The following CNBD1 variants were observed in gnomAD, a reference collection of about 807,000 sequenced individuals.
The protein encoded by CNBD1 is cyclic nucleotide binding domain containing 1, also known as cyclic nucleotide-binding domain-containing protein 1.
Under a neutral mutation model 54.4 loss-of-function variants are expected in CNBD1, and 71 were observed. The observed-to-expected ratio is 1.30, with a 90% CI of 1.08 to 1.59. The LOEUF is 1.59. Ranked by LOEUF, CNBD1 falls within the 40% of genes most tolerant of loss-of-function variation. The pLI, the probability that CNBD1 is intolerant of heterozygous loss-of-function variation, is 0.00. For missense variants in CNBD1, 659 were observed against 518.0 expected (o/e 1.27, Z -2.64); for synonymous variants, 182 against 170.7 (o/e 1.07, Z -0.51).
chr8:87,263,776 C>A (rs934926560), intron 6 of CNBD1, among the ~76,000 whole-genome samples: 1 of 151,784 alleles, frequency 6.6e-6, no homozygotes, highest in Non-Finnish European at 1.5e-5. Context: ...TATAACAAGC[C>A]TGGAAATGGA....
intron 5 of CNBD1, among the ~76,000 whole-genome samples, chr8:87,231,828 T>A (rs1807443122): frequency 6.6e-6 from 1 of 152,168 alleles, no homozygotes; most frequent in Admixed American, 6.5e-5. Context: ...TATCACTTGA[T>A]GAGTTTAGAC....
At chr8:87,200,901 C>G (rs1282982102) in intron 4 of CNBD1, among the ~76,000 whole-genome samples, 2 of 152,218 alleles carry the variant, frequency 1.3e-5, no homozygotes, top group Admixed American at 1.3e-4. Context: ...CCAACTCGTT[C>G]TATGAAGCTA....
chr8:87,066,143 C>T (rs1810649384), intron 4 of CNBD1, among the ~76,000 whole-genome samples: 1 of 151,870 alleles, frequency 6.6e-6, no homozygotes, highest in Non-Finnish European at 1.5e-5. Context: ...AGGTAATGTG[C>T]AAGTCAGAAT....
chr8:87,023,641 A>G (rs926546004), intron 4 of CNBD1, among the ~76,000 whole-genome samples: 2 of 152,342 alleles, frequency 1.3e-5, no homozygotes, highest in East Asian at 3.9e-4. Context: ...GTATCAAATT[A>G]TCATTTTAAC....
chr8:87,217,796 C>T (rs1373470480), intron 5 of CNBD1, among the ~76,000 whole-genome samples: 2 of 151,802 alleles, frequency 1.3e-5, no homozygotes, highest in African/African-American at 4.8e-5. Flanking sequence ...CTTGAAAAGC[C>T]AATTCATCTG....
At chr8:87,132,791 A>G (rs1008241657) in intron 4 of CNBD1, among the ~76,000 whole-genome samples, 3 of 144,640 alleles carry the variant, frequency 2.1e-5, no homozygotes, top group African/African-American at 8.0e-5. Flanking sequence ...TTGCATATAT[A>G]TATGTGTATA....
At chr8:87,024,061 C>A (rs1160267885) in intron 4 of CNBD1, among the ~76,000 whole-genome samples, 1 of 151,374 alleles carries the variant, frequency 6.6e-6, no homozygotes, top group Non-Finnish European at 1.5e-5. Flanking sequence ...CACGGTGAAA[C>A]CCCGTCTCTA....
At chr8:87,413,317 T>C (rs537421654) in intron 2 of CNBD1, among the ~76,000 whole-genome samples, 1 of 152,188 alleles carries the variant, frequency 6.6e-6, no homozygotes, top group South Asian at 2.1e-4. Context: ...ACTTACTACT[T>C]TAAATTTCTA....
intron 8 of CNBD1, among the ~76,000 whole-genome samples, chr8:87,327,090 G>T (rs1343892597): frequency 6.8e-6 from 1 of 147,388 alleles, no homozygotes; most frequent in Admixed American, 6.8e-5. Context: ...GCCCCTGCTG[G>T]GGGGTGCCTC....
At chr8:86,994,032 A>G (rs1363252017) in intron 4 of CNBD1, among the ~76,000 whole-genome samples, 1 of 152,164 alleles carries the variant, frequency 6.6e-6, no homozygotes, top group Non-Finnish European at 1.5e-5. Context: ...CCAGCCCAGT[A>G]CAGGGAGGCC....
intron 4 of CNBD1, among the ~76,000 whole-genome samples, chr8:87,009,625 T>A (rs958631185): frequency 6.6e-6 from 1 of 152,106 alleles, no homozygotes; most frequent in African/African-American, 2.4e-5. Flanking sequence ...TTACTATTGT[T>A]TTATACAGTT....
At chr8:87,319,760 G>C (rs1298257459) in intron 8 of CNBD1, among the ~76,000 whole-genome samples, 1 of 151,956 alleles carries the variant, frequency 6.6e-6, no homozygotes, top group African/African-American at 2.4e-5. Flanking sequence ...AATTAACAGT[G>C]AAAGTAGTAG....
chr8:87,274,533 AT>A, intron 6 of CNBD1, among the ~76,000 whole-genome samples: 1 of 148,498 alleles, frequency 6.7e-6, no homozygotes, highest in East Asian at 2.0e-4. Context: ...GATGGTGAGC[AT>A]TTTTTCTTGT....
chr8:86,985,634 A>G (rs1808589083), intron 4 of CNBD1, among the ~76,000 whole-genome samples: 2 of 152,144 alleles, frequency 1.3e-5, no homozygotes, highest in South Asian at 4.1e-4. Flanking sequence ...TAACCAGTAC[A>G]CCATTGAATA....
intron 2 of CNBD1, among the ~76,000 whole-genome samples, chr8:87,388,522 A>T (rs62528165): frequency 6.6e-6 from 1 of 152,170 alleles, no homozygotes; most frequent in Non-Finnish European, 1.5e-5. Context: ...AAATTCCTCG[A>T]CACATACACA....
chr8:86,925,988 G>C (rs747251039), intron 3 of CNBD1, among the ~76,000 whole-genome samples: 4 of 152,066 alleles, frequency 2.6e-5, no homozygotes, highest in Non-Finnish European at 5.9e-5. Context: ...CTGCTGGCTG[G>C]GGTGACCAGC....
intron 10 of CNBD1, among the ~76,000 whole-genome samples, chr8:87,356,417 A>G (rs1303944763): frequency 6.6e-6 from 1 of 152,200 alleles, no homozygotes; most frequent in East Asian, 1.9e-4. Context: ...TGAGGAATCT[A>G]TTGGAAAATG....
chr8:87,177,970 T>C (rs548578327), intron 4 of CNBD1, among the ~76,000 whole-genome samples: 2 of 152,312 alleles, frequency 1.3e-5, no homozygotes, highest in South Asian at 4.1e-4. Context: ...TAATGTTGTA[T>C]GAACAGACAT....
At position 87,327,788 on chromosome 8, in the gene CNBD1, A is replaced by G. The variant is rs184041179; in HGVS notation, c.1043-23897A>G. 9.7e-3 allele frequency among the ~76,000 whole-genome samples: 1,475 copies of G among 152,280 alleles called. 19 individuals carry two copies. The highest frequency in any genetic ancestry group is 0.033 in the African/African-American group (1,352 of 41,548). ...CTGCGTCGCTCACGCTGGGAGCTGTAGACCGGAGCTGTTCCTATTCGGCCA... is the reference window on the plus strand; with the variant it reads ...CTGCGTCGCTCACGCTGGGAGCTGTGGACCGGAGCTGTTCCTATTCGGCCA... On this transcript the variant is annotated intron_variant, in intron 8 of 10. Coordinates refer to ENST00000518476, the MANE Select transcript of CNBD1 (RefSeq NM_173538.3).
Sources: gnomAD v4.1 joint callset for allele counts (sites outside exome capture counted in the v4.1 genomes callset) on GRCh38, gnomAD v4.1.1 for gene constraint, MANE v1.5 for transcripts, NCBI Gene and HGNC (gene_info 2026-07-23, HGNC 2026-07-21) for gene names.